The following AOPEP variants were observed in gnomAD, a reference collection of about 807,000 sequenced individuals.
AOPEP encodes aminopeptidase O.
Under a neutral mutation model 98.1 loss-of-function variants are expected in AOPEP, and 77 were observed. That is an observed-to-expected ratio of 0.78 (90% CI 0.65 to 0.95). AOPEP has a LOEUF of 0.95. AOPEP is among the 40% of genes least tolerant of loss of function. The probability of loss-of-function intolerance (pLI) is 0.00; values close to 1 mark genes in which losing one functional copy is unlikely to be tolerated. For synonymous variants in AOPEP, 346 were observed against 365.3 expected (o/e 0.95, Z 0.60); for missense variants, 1,024 against 1,024.7 (o/e 1.00, Z 0.01).
chr9:94,992,347 GC>G (rs2060944548), intron 11 of AOPEP, among the ~76,000 whole-genome samples: 1 of 152,178 alleles, frequency 6.6e-6, no homozygotes, highest in South Asian at 2.1e-4. Context: ...CAGTCCTCCA[GC>G]TTGGGCCTTT....
intron 5 of AOPEP, among the ~76,000 whole-genome samples, chr9:94,835,155 A>C (rs1005832403): frequency 6.6e-6 from 1 of 152,168 alleles, no homozygotes; most frequent in Non-Finnish European, 1.5e-5. Context: ...ATTGTTTTGG[A>C]ATAACTTTCC....
intron 16 of AOPEP, chr9:95,086,246 G>C: frequency 8.1e-7 from 1 of 1,229,714 alleles, no homozygotes; most frequent in African/African-American, 1.6e-5. Flanking sequence ...CTGCGGCGTG[G>C]GGGTTTGTAG....
At chr9:94,836,161 C>G (rs2041578696) in intron 5 of AOPEP, among the ~76,000 whole-genome samples, 1 of 152,094 alleles carries the variant, frequency 6.6e-6, no homozygotes, top group Non-Finnish European at 1.5e-5. Context: ...TGCCATGTAA[C>G]TTAAGACATA....
intron 3 of AOPEP, among the ~76,000 whole-genome samples, chr9:94,785,291 C>A (rs560528272): frequency 6.6e-6 from 1 of 152,350 alleles, no homozygotes; most frequent in African/African-American, 2.4e-5. Flanking sequence ...ATTTCAAGTT[C>A]TGTTATAGCT....
intron 6 of AOPEP, among the ~76,000 whole-genome samples, chr9:94,926,232 C>G (rs914186566): frequency 3.9e-5 from 6 of 152,170 alleles, no homozygotes; most frequent in African/African-American, 1.2e-4. Context: ...TTGGTCCTGC[C>G]TCTTGACTGA....
the AOPEP span, among the ~76,000 whole-genome samples, chr9:95,118,238 T>C: frequency 3.3e-5 from 5 of 152,130 alleles, no homozygotes; most frequent in African/African-American, 1.2e-4. Context: ...AGGCTGGTCT[T>C]GAACTCCTTA....
chr9:95,101,224 T>C, the AOPEP span: 41 of 255,716 alleles, frequency 1.6e-4, no homozygotes, highest in Non-Finnish European at 2.9e-4. Context: ...CTTGAAGAAT[T>C]TCTCCATACA....
the AOPEP span, among the ~76,000 whole-genome samples, chr9:95,133,927 G>A: frequency 2.0e-5 from 3 of 152,212 alleles, no homozygotes; most frequent in African/African-American, 7.2e-5. Context: ...AAAATAAGGT[G>A]CATTCCTATT....
chr9:95,134,734 G>A, the AOPEP span, among the ~76,000 whole-genome samples: 1 of 152,222 alleles, frequency 6.6e-6, no homozygotes, highest in Non-Finnish European at 1.5e-5. Flanking sequence ...TGGTGGCGAG[G>A]GCCACTGAGA....
the AOPEP span, among the ~76,000 whole-genome samples, chr9:95,093,039 T>C: frequency 6.6e-6 from 1 of 152,252 alleles, no homozygotes; most frequent in African/African-American, 2.4e-5. Flanking sequence ...GTTTCAGTGA[T>C]TGCTGATGGA....
chr9:94,873,889 C>T (rs1007310452), intron 5 of AOPEP, among the ~76,000 whole-genome samples: 14 of 152,056 alleles, frequency 9.2e-5, no homozygotes, highest in African/African-American at 3.4e-4. Context: ...AGCCACTACA[C>T]ACAGTAAAGT....
intron 13 of AOPEP, among the ~76,000 whole-genome samples, chr9:95,020,984 A>G (rs900663393): frequency 1.3e-5 from 2 of 151,930 alleles, no homozygotes; most frequent in Admixed American, 1.3e-4. Flanking sequence ...GAAATGCAGT[A>G]ATGGCACTCT....
chr9:94,808,045 CT>C lies in AOPEP; in HGVS notation c.1364+7058del, dbSNP rs1385115392. ...CTCAGCCACCTTTTCTTTTTTCTTT[CT>C]TTTTTTTTTTTTTTGAGACGGAGTC... On this transcript the variant is annotated intron_variant, in intron 5 of 16. Transcript: ENST00000375315. Among the ~76,000 whole-genome samples the C allele has an allele frequency of 8.0e-3, 1,143 of 142,548 alleles. 5 individuals carry two copies. The highest frequency in any genetic ancestry group is 0.023 in the African/African-American group (904 of 38,628). 93.5% of individuals were successfully genotyped at this position (142,548 alleles called of 152,430 possible). A position where few individuals can be genotyped will look rare whatever the true frequency, so the allele number is the denominator to read the frequency against.
At chr9:95,148,023 T>C in the AOPEP span, among the ~76,000 whole-genome samples, 7 of 152,176 alleles carry the variant, frequency 4.6e-5, no homozygotes, top group Non-Finnish European at 1.0e-4. Flanking sequence ...TTTGCACTGA[T>C]AGCGCAAAAG....
chr9:94,899,980 A>C (rs772172952), intron 5 of AOPEP, among the ~76,000 whole-genome samples: 9 of 152,204 alleles, frequency 5.9e-5, no homozygotes, highest in Non-Finnish European at 1.2e-4. Flanking sequence ...AGATTCAAGT[A>C]AACTTTTTGA....
intron 3 of AOPEP, among the ~76,000 whole-genome samples, chr9:94,778,542 A>G (rs780681163): frequency 1.8e-4 from 28 of 152,138 alleles, no homozygotes; most frequent in Admixed American, 3.9e-4. Context: ...GACCCTTTTT[A>G]TATGAATTTT....
chr9:95,062,123 C>T (rs528901725), intron 14 of AOPEP, among the ~76,000 whole-genome samples: 1 of 152,292 alleles, frequency 6.6e-6, no homozygotes, highest in African/African-American at 2.4e-5. Context: ...AAAACATGTC[C>T]TGTTCTTGCA....
intron 2 of AOPEP, 29 bp from the exon 3 acceptor site, chr9:94,772,973 C>G (rs1841226021): frequency 1.3e-6 from 2 of 1,555,246 alleles, no homozygotes; most frequent in Non-Finnish European, 1.7e-6. Flanking sequence ...AAGATTCACC[C>G]CCTTTCTTTC....
intron 5 of AOPEP, among the ~76,000 whole-genome samples, chr9:94,847,869 C>T (rs2043049685): frequency 6.6e-6 from 1 of 152,140 alleles, no homozygotes. Context: ...GTTGGTAGAC[C>T]TAGGATTTAA....
Sources: allele counts gnomAD v4.1 joint callset (sites outside exome capture counted in the v4.1 genomes callset), GRCh38; gene constraint gnomAD v4.1.1; transcripts MANE v1.5; gene names NCBI Gene and HGNC (gene_info 2026-07-23, HGNC 2026-07-21).